AASS: variants seen among roughly 807,000 people sequenced by gnomAD.
The protein encoded by AASS is alpha-aminoadipic semialdehyde synthase, mitochondrial.
A neutral mutation model predicts 105.4 loss-of-function variants in AASS; 86 were observed. The observed-to-expected ratio is 0.82, with a 90% CI of 0.69 to 0.98. The LOEUF is 0.98. Among genes scored for constraint, AASS ranks in the 50% least tolerant of loss-of-function variants. AASS has a pLI of 0.00. For missense variants in AASS, 1,048 were observed against 1,143.2 expected, an observed-to-expected ratio of 0.92 and a Z score of 1.20; for synonymous variants, 381 against 394.8, an observed-to-expected ratio of 0.96 and a Z score of 0.41.
chr7:122,092,902 C>T lies in AASS; in HGVS notation c.1816G>A (p.Gly606Ser). 6.2e-7 allele frequency: 1 copy of T among 1,613,878 alleles called. No homozygotes were observed. Among genetic ancestry groups the T allele is most frequent in the Non-Finnish European group, 8.5e-7 (1 of 1,179,900 alleles). The change falls in exon 17 of 24, where the codon GGT becomes AGT. Residue 606 changes from glycine to serine, a missense_variant. By Grantham distance (56) the Gly-to-Ser change is moderately conservative (BLOSUM62 0). Coordinates refer to ENST00000417368, the MANE Select transcript of AASS (RefSeq NM_005763.4). ...TIIGELGLDP[G>S]LDHMLAMETI... Reference sequence around the variant, plus strand: ...TCCATTGCTAACATGTGATCCAGACCAGGGTCCAATCCCAATTCACCAATG... The same window carrying T: ...TCCATTGCTAACATGTGATCCAGACTAGGGTCCAATCCCAATTCACCAATG...
intron 4 of AASS, 67 bp from the exon 5 acceptor site, chr7:122,118,697 G>C: frequency 3.3e-6 from 5 of 1,499,060 alleles, no homozygotes; most frequent in Non-Finnish European, 4.6e-6. Context: ...CTCTCTGCTC[G>C]TTCTCCAATC....
intron 19 of AASS, chr7:122,082,901 A>C (rs1793434882): frequency 7.9e-7 from 1 of 1,258,356 alleles, no homozygotes; most frequent in Non-Finnish European, 1.0e-6. Flanking sequence ...CCTAAAAGAG[A>C]ACAAATGGCT....
chr7:122,093,045 T>TA lies in AASS; in HGVS notation c.1766+2dup. ...CAGTTTGTTTAAAATGATTAAAACT[T>TA]ACCTCTTTTCCAATTCTTTTAGTGC... On this transcript the variant is annotated splice_region_variant and intron_variant, in intron 16 of 23. Transcript: ENST00000417368. 1 of 1,613,348 alleles carries TA rather than the reference T, an allele frequency of 6.2e-7. No individual in the cohort carries two copies. The highest frequency in any genetic ancestry group is 8.5e-7 in the Non-Finnish European group (1 of 1,179,308).
intron 1 of AASS, among the ~76,000 whole-genome samples, chr7:122,139,338 A>G (rs114528193): frequency 1.1e-3 from 168 of 152,324 alleles, no homozygotes; most frequent in African/African-American, 3.9e-3. Flanking sequence ...GCCCATGTTC[A>G]GGATTAGTTT....
At chr7:122,120,826 A>G (rs1379507296) in intron 4 of AASS, among the ~76,000 whole-genome samples, 2 of 152,012 alleles carry the variant, frequency 1.3e-5, no homozygotes, top group Non-Finnish European at 2.9e-5. Flanking sequence ...TCAAAATTAC[A>G]TTGAATATCT....
At chr7:122,083,054 G>GAAGAA (rs61367555) in intron 19 of AASS, among the ~76,000 whole-genome samples, 94,291 of 150,986 alleles carry the variant, frequency 0.62, 31,144 homozygotes, top group African/African-American at 0.87. Flanking sequence ...GAGAGAGAGA[G>GAAGAA]AAGAAAAGAG....
Position 122,073,661 on chromosome 7 carries a change from T to G in AASS, c.*2828A>C, listed in dbSNP as rs1253007458. ...TAGTATATTCAGAGTTGTGCCACCA[T>G]TACCACAATCAACTTTACAACGTTT... On this transcript the variant is annotated 3_prime_UTR_variant, in exon 24 of 24. Coordinates refer to ENST00000417368, the MANE Select transcript of AASS (RefSeq NM_005763.4). Among the ~76,000 whole-genome samples, 3 of 152,164 alleles carry G rather than the reference T, an allele frequency of 2.0e-5. No homozygotes were observed.
chr7:122,102,128 G>A (rs1187486500), intron 11 of AASS, among the ~76,000 whole-genome samples: 1 of 151,856 alleles, frequency 6.6e-6, no homozygotes, highest in Non-Finnish European at 1.5e-5. Context: ...GCAGTAAGGG[G>A]TCTCCCTCAG....
intron 11 of AASS, among the ~76,000 whole-genome samples, chr7:122,102,500 C>T (rs560257917): frequency 9.2e-5 from 14 of 152,066 alleles, no homozygotes; most frequent in African/African-American, 3.4e-4. Flanking sequence ...ACAATCTTTC[C>T]TCCCTAACTA....
rs776165452 is a variant in AASS, at chr7:122,116,752, T to C, written c.775A>G (p.Lys259Glu). ...KEVSQTGDLR[K>E]VYGTVLSRHH... ...CGACTTAACACCGTCCCATACACTT[T>C]TCTGAGGTCTTGAAAAGGAGAAAGA... The change falls in exon 8 of 24, where the codon AAA becomes GAA. Residue 259 changes from lysine to glutamate, a missense_variant. Coordinates refer to ENST00000417368, the MANE Select transcript of AASS (RefSeq NM_005763.4). The C allele has an allele frequency of 6.2e-7, 1 of 1,613,986 alleles. No individual in the cohort carries two copies. Among genetic ancestry groups the C allele is most frequent in the South Asian group, 1.1e-5 (1 of 91,088 alleles).
At chr7:122,090,036 G>C (rs1206922128) in intron 18 of AASS, among the ~76,000 whole-genome samples, 1 of 152,106 alleles carries the variant, frequency 6.6e-6, no homozygotes, top group Admixed American at 6.6e-5. Context: ...CTAAGATTCT[G>C]GTCCAAACCT....
In AASS at chr7:122,092,724, C is replaced by CA. The variant is rs60690049; in HGVS notation, c.1875+118dup. On this transcript the variant is annotated intron_variant, in intron 17 of 23. Transcript: ENST00000417368. Reference sequence around the variant, plus strand: ...GGGCAACAAGAGCAAAACTCAGTCTCAAAAAAAAAAAATCTTTAACTTTGA... The same window carrying CA: ...GGGCAACAAGAGCAAAACTCAGTCTCAAAAAAAAAAAAATCTTTAACTTTGA... 217,872 of 763,522 alleles carry CA rather than the reference C, an allele frequency of 0.29. 9,416 individuals carry two copies. Among genetic ancestry groups the CA allele is most frequent in the East Asian group, 0.37 (12,172 of 32,574 alleles). The allele number at this position is 763,522 out of a possible 1,614,324, so 47.3% of individuals were successfully genotyped here.
At chr7:122,129,209 C>T (rs1222668587) in intron 3 of AASS, 152 bp downstream of exon 3, 5 of 531,474 alleles carry the variant, frequency 9.4e-6, no homozygotes, top group African/African-American at 2.0e-5. Flanking sequence ...AGGGTAAGAG[C>T]TTTTATCATT....
intron 4 of AASS, among the ~76,000 whole-genome samples, chr7:122,126,135 C>G (rs887653347): frequency 9.9e-5 from 15 of 152,274 alleles, no homozygotes; most frequent in Admixed American, 3.3e-4. Flanking sequence ...AAAATCAGAG[C>G]TTGTTTGTAG....
At chr7:122,086,270 A>T in intron 18 of AASS, 91 bp from the exon 19 acceptor site, 1 of 1,272,074 alleles carries the variant, frequency 7.9e-7, no homozygotes, top group Non-Finnish European at 1.1e-6. Context: ...AAGCAACAGA[A>T]ATTTGAAAAA....
At chr7:122,139,288 G>A (rs935928158) in intron 1 of AASS, among the ~76,000 whole-genome samples, 6 of 152,160 alleles carry the variant, frequency 3.9e-5, no homozygotes, top group South Asian at 2.1e-4. Context: ...ACGGCATGAT[G>A]CACTTGGTAA....
Position 122,134,915 on chromosome 7 carries a change from A to G in AASS, c.-15-1174T>C, listed in dbSNP as rs189139537. On this transcript the variant is annotated intron_variant, in intron 1 of 23. Coordinates refer to ENST00000417368, the MANE Select transcript of AASS (RefSeq NM_005763.4). ...ATAGACTGGATTAAGAAAATGTGGC[A>G]CATATACACCATGGAATACTATGCA... Among the ~76,000 whole-genome samples, 26 of 152,320 alleles carry G rather than the reference A, an allele frequency of 1.7e-4. No homozygotes were observed. In the East Asian group the frequency reaches 4.8e-3, roughly 28 times the overall value.
chr7:122,079,171 G>T, intron 21 of AASS: 1 of 1,430,984 alleles, frequency 7.0e-7, no homozygotes, highest in Non-Finnish European at 9.1e-7. Flanking sequence ...CCCTGGAGCA[G>T]GGCAGAGATG....
intron 6 of AASS, among the ~76,000 whole-genome samples, chr7:122,117,192 A>G (rs1388077307): frequency 6.6e-6 from 1 of 152,194 alleles, no homozygotes; most frequent in East Asian, 1.9e-4. Context: ...TTTTTTACTT[A>G]AGCTACTCAG....
Sources: gnomAD v4.1 joint callset for allele counts (sites outside exome capture counted in the v4.1 genomes callset) on GRCh38, gnomAD v4.1.1 for gene constraint, MANE v1.5 for transcripts, NCBI Gene and HGNC (gene_info 2026-07-23, HGNC 2026-07-21) for gene names.